CLNK: variants seen among roughly 807,000 people sequenced by gnomAD.
CLNK encodes the protein cytokine dependent hematopoietic cell linker, also known as cytokine-dependent hematopoietic cell linker.
A neutral mutation model predicts 68.6 loss-of-function variants in CLNK; 74 were observed. That is an observed-to-expected ratio of 1.08 (90% confidence interval 0.89 to 1.31). The LOEUF (loss-of-function observed/expected upper bound fraction) is 1.31. Among genes scored for constraint, CLNK ranks in the 50% most tolerant of loss-of-function variants. The pLI is 0.00. For synonymous variants in CLNK, 198 were observed against 172.2 expected (o/e 1.15, Z -1.17); for missense variants, 553 against 515.3 (o/e 1.07, Z -0.71).
chr4:10,523,962 C>G, intron 14 of CLNK: 1 of 386,970 alleles, frequency 2.6e-6, no homozygotes, highest in Non-Finnish European at 5.2e-6. Flanking sequence ...GAGGTCAAGG[C>G]TGCATTGAGA....
Position 10,490,161 on chromosome 4 carries a change from C to A in CLNK, c.*306G>T, listed in dbSNP as rs1414526471. ...CTCGCCTGTATCATGAGCATAATGG[C>A]TATGTTTATAGTATTTTTTGTTGTT... On this transcript the variant is annotated 3_prime_UTR_variant, in exon 19 of 19. Coordinates refer to ENST00000226951, the MANE Select transcript of CLNK (RefSeq NM_052964.4). 3.4e-5 allele frequency: 9 copies of A among 267,410 alleles called. No individual in the cohort carries two copies. The highest frequency in any genetic ancestry group is 3.5e-5 in the Non-Finnish European group (5 of 142,026). 16.6% of individuals were successfully genotyped at this position (267,410 alleles called of 1,614,324 possible). A position where few individuals can be genotyped will look rare whatever the true frequency, so the allele number is the denominator to read the frequency against.
intron 2 of CLNK, among the ~76,000 whole-genome samples, chr4:10,610,941 T>G (rs1363846421): frequency 6.6e-6 from 1 of 152,144 alleles, no homozygotes; most frequent in African/African-American, 2.4e-5. Flanking sequence ...CCCAGCGATT[T>G]GGGAGGCCGA....
intron 4 of CLNK, 109 bp downstream of exon 4, chr4:10,584,818 A>G (rs181556784): frequency 4.7e-5 from 55 of 1,171,522 alleles, no homozygotes; most frequent in Non-Finnish European, 6.4e-5. Flanking sequence ...ATGTCATTTC[A>G]AATAGGCCAT....
intron 8 of CLNK, among the ~76,000 whole-genome samples, chr4:10,545,576 C>T (rs1719194483): frequency 6.6e-6 from 1 of 152,100 alleles, no homozygotes; most frequent in African/African-American, 2.4e-5. Context: ...AGGCTCACTC[C>T]CATTACCATA....
At chr4:10,578,209 G>A (rs1183847340) in intron 4 of CLNK, among the ~76,000 whole-genome samples, 4 of 152,174 alleles carry the variant, frequency 2.6e-5, no homozygotes, top group Admixed American at 6.5e-5. Flanking sequence ...CGAGTTTAAC[G>A]TCACAGCCAA....
chr4:10,606,559 T>C (rs1224989042), intron 2 of CLNK, among the ~76,000 whole-genome samples: 1 of 152,228 alleles, frequency 6.6e-6, no homozygotes, highest in South Asian at 2.1e-4. Flanking sequence ...TACGTAATTG[T>C]ATGTGATATG....
At chr4:10,683,195 C>G (rs1489170549) in intron 1 of CLNK, among the ~76,000 whole-genome samples, 1 of 152,134 alleles carries the variant, frequency 6.6e-6, no homozygotes, top group Admixed American at 6.6e-5. Flanking sequence ...AGTCAGGATC[C>G]TCACCATTTT....
intron 4 of CLNK, among the ~76,000 whole-genome samples, chr4:10,572,486 C>T (rs1423534112): frequency 2.0e-5 from 3 of 152,200 alleles, no homozygotes; most frequent in Non-Finnish European, 4.4e-5. Flanking sequence ...CAGATTTTTT[C>T]ATTCTTCATA....
At chr4:10,661,081 C>G (rs1724173644) in intron 2 of CLNK, among the ~76,000 whole-genome samples, 6 of 152,188 alleles carry the variant, frequency 3.9e-5, no homozygotes, top group Admixed American at 3.9e-4. Flanking sequence ...TTCTCATTTT[C>G]TCTAGATTCA....
At chr4:10,492,565 C>A (rs979829887) in intron 18 of CLNK, among the ~76,000 whole-genome samples, 1 of 152,196 alleles carries the variant, frequency 6.6e-6, no homozygotes, top group Non-Finnish European at 1.5e-5. Flanking sequence ...GGCTTAAGAA[C>A]TTCACCAGGT....
chr4:10,724,705 C>G, the CLNK span, among the ~76,000 whole-genome samples: 1 of 152,128 alleles, frequency 6.6e-6, no homozygotes, highest in Admixed American at 6.5e-5. Context: ...ACGGCAAACA[C>G]TGCCAGATAA....
chr4:10,710,107 G>C, the CLNK span, among the ~76,000 whole-genome samples: 1 of 152,142 alleles, frequency 6.6e-6, no homozygotes, highest in East Asian at 1.9e-4. Flanking sequence ...TTTCTGTAAG[G>C]GAAAGGGGGT....
At chr4:10,726,263 G>T in the CLNK span, among the ~76,000 whole-genome samples, 1 of 152,166 alleles carries the variant, frequency 6.6e-6, no homozygotes, top group Non-Finnish European at 1.5e-5. Flanking sequence ...TGGGACTACA[G>T]ACGCCTGCCA....
At chr4:10,723,764 C>T in the CLNK span, among the ~76,000 whole-genome samples, 2 of 152,064 alleles carry the variant, frequency 1.3e-5, no homozygotes, top group African/African-American at 2.4e-5. Context: ...GTTGAAACAG[C>T]TTGTTCGGGA....
intron 15 of CLNK, chr4:10,517,367 A>G (rs1431309425): frequency 6.6e-6 from 1 of 152,232 alleles, no homozygotes; most frequent in Non-Finnish European, 1.5e-5. Context: ...TCAGTAATCA[A>G]GATAAATATC....
intron 18 of CLNK, among the ~76,000 whole-genome samples, chr4:10,492,014 G>C (rs1286476887): frequency 2.0e-5 from 3 of 152,166 alleles, no homozygotes; most frequent in Non-Finnish European, 4.4e-5. Context: ...TCCTGAAGGA[G>C]TATATTGGGA....
chr4:10,648,017 T>G (rs931308180), intron 2 of CLNK, among the ~76,000 whole-genome samples: 8 of 152,194 alleles, frequency 5.3e-5, no homozygotes, highest in Non-Finnish European at 1.0e-4. Context: ...TAACAGACCC[T>G]GAAGATTCAC....
At chr4:10,675,812 G>T (rs1245864654) in intron 1 of CLNK, among the ~76,000 whole-genome samples, 1 of 152,126 alleles carries the variant, frequency 6.6e-6, no homozygotes, top group Non-Finnish European at 1.5e-5. Context: ...GAATCGAGAA[G>T]GTAGGAGGTA....
chr4:10,552,988 T>G (rs1719519665), intron 8 of CLNK, among the ~76,000 whole-genome samples: 1 of 151,816 alleles, frequency 6.6e-6, no homozygotes, highest in Non-Finnish European at 1.5e-5. Context: ...AAAAACTAAG[T>G]AGAAAAGAGA....
Sources: gnomAD v4.1 joint callset for allele counts (sites outside exome capture counted in the v4.1 genomes callset) on GRCh38, gnomAD v4.1.1 for gene constraint, MANE v1.5 for transcripts, NCBI Gene and HGNC (gene_info 2026-07-23, HGNC 2026-07-21) for gene names.